The following CTNNBIP1 variants were observed in gnomAD, a reference collection of about 807,000 sequenced individuals.
CTNNBIP1 encodes catenin beta interacting protein 1, also known as beta-catenin-interacting protein 1.
CTNNBIP1 carries 7 observed loss-of-function variants against 11.8 expected under a neutral mutation model. That is an observed-to-expected ratio of 0.60 (90% CI 0.34 to 1.12). The LOEUF (loss-of-function observed/expected upper bound fraction) is 1.12, where lower values mean the gene tolerates loss of function less well. Among genes scored for constraint, CTNNBIP1 ranks in the 50% most tolerant of loss-of-function variants. The pLI is 0.03. For synonymous variants in CTNNBIP1, 58 were observed against 43.9 expected (o/e 1.32, Z -1.26); for missense variants, 101 against 113.4 (o/e 0.89, Z 0.50).
chr1:9,860,420 G>T (rs796398554), intron 5 of CTNNBIP1, among the ~76,000 whole-genome samples: 3 of 112,940 alleles, frequency 2.7e-5, no homozygotes, highest in African/African-American at 1.1e-4. Flanking sequence ...GTGAAACCCC[G>T]TCTCTACTAA....
intron 1 of CTNNBIP1, among the ~76,000 whole-genome samples, chr1:9,899,763 A>AAAAG (rs58501900): frequency 0.024 from 3,595 of 150,562 alleles, 89 homozygotes; most frequent in African/African-American, 0.066. Flanking sequence ...GTCTCAAAAA[A>AAAAG]AAAGAAAGAA....
intron 1 of CTNNBIP1, among the ~76,000 whole-genome samples, chr1:9,888,508 C>T (rs1452903246): frequency 6.6e-6 from 1 of 151,378 alleles, no homozygotes; most frequent in East Asian, 2.0e-4. Flanking sequence ...GCCGAGATCG[C>T]GCCACTGCAC....
intron 1 of CTNNBIP1, among the ~76,000 whole-genome samples, chr1:9,888,129 A>G (rs1320577686): frequency 6.6e-6 from 1 of 151,860 alleles, no homozygotes; most frequent in East Asian, 2.0e-4. Flanking sequence ...CCGCTAATTA[A>G]TTTTTAAAAA....
Position 9,865,201 on chromosome 1 carries a change from C to T in CTNNBIP1, c.187+5986G>A, listed in dbSNP as rs533528392. ...CCAAGATAGCACCACTGCACTCCAG[C>T]CTGGGCAACAGAGTGAGACTCTGTC... On this transcript the variant is annotated intron_variant, in intron 5 of 5. Coordinates refer to ENST00000377263, the MANE Select transcript of CTNNBIP1 (RefSeq NM_020248.3). Among the ~76,000 whole-genome samples the T allele has an allele frequency of 9.5e-4, 144 of 150,926 alleles. 2 individuals carry two copies. The South Asian group carries it at 0.015, about 16-fold the overall frequency.
At position 9,851,527 on chromosome 1, in the gene CTNNBIP1, C is replaced by A. The variant is rs768192067; in HGVS notation, c.188-751G>T. On this transcript the variant is annotated intron_variant, in intron 5 of 5. Coordinates refer to ENST00000377263, the MANE Select transcript of CTNNBIP1 (RefSeq NM_020248.3). This position sits in a 1 kb window ranked among gnomAD's most constrained non-coding sequence, Gnocchi z 4.8. ...CTGGGATTACAGGTGTGCATCACCA[C>A]GCCCGGCTAATTTTTTTGTATTTTT... 6.6e-6 allele frequency among the ~76,000 whole-genome samples: 1 copy of A among 152,052 alleles called. No homozygotes were observed.
chr1:9,889,212 C>T (rs962916476), intron 1 of CTNNBIP1, among the ~76,000 whole-genome samples: 2 of 152,246 alleles, frequency 1.3e-5, no homozygotes, highest in African/African-American at 2.4e-5. Flanking sequence ...GTCCCTCCCA[C>T]GCACTGAGGC....
chr1:9,882,391 G>A (rs1639100926), intron 2 of CTNNBIP1, among the ~76,000 whole-genome samples: 1 of 152,228 alleles, frequency 6.6e-6, no homozygotes, highest in South Asian at 2.1e-4. Flanking sequence ...CTCAGACACT[G>A]AGACAAAGAA....
At chr1:9,888,746 G>C (rs1350979696) in intron 1 of CTNNBIP1, among the ~76,000 whole-genome samples, 1 of 152,128 alleles carries the variant, frequency 6.6e-6, no homozygotes, top group East Asian at 1.9e-4. Flanking sequence ...GCTGCCGTGG[G>C]AGTGATTCTG....
At chr1:9,877,067 CCA>C in intron 3 of CTNNBIP1, among the ~76,000 whole-genome samples, 1 of 152,326 alleles carries the variant, frequency 6.6e-6, no homozygotes. Context: ...CGCTCAGATG[CCA>C]CACTTCTTCC....
At chr1:9,859,548 G>A (rs938248593) in intron 5 of CTNNBIP1, among the ~76,000 whole-genome samples, 1 of 152,194 alleles carries the variant, frequency 6.6e-6, no homozygotes, top group African/African-American at 2.4e-5. Context: ...CCCAAAGTCT[G>A]CTGAGAATCC....
chr1:9,862,259 C>T (rs1210331980), intron 5 of CTNNBIP1, among the ~76,000 whole-genome samples: 4 of 152,144 alleles, frequency 2.6e-5, no homozygotes, highest in Non-Finnish European at 5.9e-5. Context: ...TATATACACA[C>T]CTTCAATAGA....
chr1:9,890,917 A>C (rs1639288513), intron 1 of CTNNBIP1, among the ~76,000 whole-genome samples: 1 of 152,150 alleles, frequency 6.6e-6, no homozygotes, highest in Non-Finnish European at 1.5e-5. Context: ...TAGTAATTCC[A>C]GGGATGGAGC....
chr1:9,885,185 G>A (rs537592462), intron 1 of CTNNBIP1, among the ~76,000 whole-genome samples: 2 of 152,266 alleles, frequency 1.3e-5, no homozygotes, highest in South Asian at 4.1e-4. Flanking sequence ...GCAGACAACA[G>A]GGAGCGCACT....
At chr1:9,901,387 C>A (rs377666456) in intron 1 of CTNNBIP1, among the ~76,000 whole-genome samples, 1 of 152,230 alleles carries the variant, frequency 6.6e-6, no homozygotes, top group South Asian at 2.1e-4. Flanking sequence ...TCAGGAAGAA[C>A]AGGGGTGGGG....
At chr1:9,856,495 C>T (rs1023319280) in intron 5 of CTNNBIP1, among the ~76,000 whole-genome samples, 5 of 147,588 alleles carry the variant, frequency 3.4e-5, no homozygotes, top group African/African-American at 1.2e-4. Context: ...GACTATTACG[C>T]AAAATACGTA....
chr1:9,857,146 A>C (rs1009325293), intron 5 of CTNNBIP1, among the ~76,000 whole-genome samples: 8 of 150,954 alleles, frequency 5.3e-5, no homozygotes, highest in Non-Finnish European at 1.2e-4. Flanking sequence ...ACAAAACAAA[A>C]AAAACCCTCA....
rs917607022 is a variant in CTNNBIP1 at position 9,851,444 on chromosome 1, C to T, written c.188-668G>A. Among the ~76,000 whole-genome samples, 11 of 152,172 alleles carry T rather than the reference C, an allele frequency of 7.2e-5. No individual in the cohort carries two copies. In the East Asian group the frequency reaches 7.7e-4, roughly 11 times the overall value. On this transcript the variant is annotated intron_variant, in intron 5 of 5. Coordinates refer to ENST00000377263, the MANE Select transcript of CTNNBIP1 (RefSeq NM_020248.3). The surrounding 1 kb of genome is among the most constrained non-coding windows in gnomAD (Gnocchi z 4.8). The stretch of plus-strand genomic sequence containing the variant: ...GGAGTATAGTGGCACAATCTCGGCT[C>T]ACTGCATCCTCTGCCTCCCGGGTTC...
At chr1:9,908,824 A>G (rs1639672898) in intron 1 of CTNNBIP1, among the ~76,000 whole-genome samples, 1 of 152,184 alleles carries the variant, frequency 6.6e-6, no homozygotes, top group Non-Finnish European at 1.5e-5. Context: ...CTTCACCACT[A>G]AAGCCCCAGT....
intron 5 of CTNNBIP1, among the ~76,000 whole-genome samples, chr1:9,861,963 G>A (rs953595594): frequency 6.6e-6 from 1 of 152,198 alleles, no homozygotes; most frequent in Non-Finnish European, 1.5e-5. Context: ...CCACAGGGTC[G>A]CACCTTGGGG....
Sources: allele counts gnomAD v4.1 joint callset (sites outside exome capture counted in the v4.1 genomes callset), GRCh38; gene constraint gnomAD v4.1.1; non-coding constraint Gnocchi (gnomAD v3.1); transcripts MANE v1.5; gene names NCBI Gene and HGNC (gene_info 2026-07-23, HGNC 2026-07-21).